ENPP1: variants seen among roughly 807,000 people sequenced by gnomAD.
ENPP1 encodes ectonucleotide pyrophosphatase/phosphodiesterase 1.
ENPP1 carries 73 observed loss-of-function variants against 122.8 expected under a neutral mutation model. That is an observed-to-expected ratio of 0.59 (90% CI 0.49 to 0.72). ENPP1 has a LOEUF of 0.72. Among genes scored for constraint, ENPP1 ranks in the 30% least tolerant of loss-of-function variants. ENPP1 has a pLI of 0.00. For missense variants in ENPP1, 978 were observed against 1,128.1 expected, an observed-to-expected ratio of 0.87 and a Z score of 1.91; for synonymous variants, 367 against 391.6, an observed-to-expected ratio of 0.94 and a Z score of 0.74.
rs909920834 is a variant in ENPP1 at position 131,893,962 on chromosome 6, T to C, written c.*3451T>C. ...TTATCTTGATTTCTTTTTTTTTTTT[T>C]TTTTTTTTTTTTTTTTTGAGATGCT... is the stretch of plus-strand genomic sequence containing the variant. On this transcript the variant is annotated 3_prime_UTR_variant, in exon 25 of 25. Transcript: ENST00000647893. 17 of 126,708 alleles carry C rather than the reference T, an allele frequency of 1.3e-4. No individual in the cohort carries two copies. Among genetic ancestry groups the C allele is most frequent in the Middle Eastern group, 7.3e-3 (2 of 274 alleles). The allele number at this position is 126,708 out of a possible 1,614,324, so 7.8% of individuals were successfully genotyped here.
chr6:131,866,351 C>T (rs191285070), intron 11 of ENPP1, among the ~76,000 whole-genome samples: 12 of 152,308 alleles, frequency 7.9e-5, no homozygotes, highest in East Asian at 3.9e-4. Flanking sequence ...TTCAGCACAG[C>T]GTTCAGACTA....
chr6:131,856,049 C>A (rs1781942064), intron 6 of ENPP1, among the ~76,000 whole-genome samples: 2 of 151,940 alleles, frequency 1.3e-5, no homozygotes, highest in Admixed American at 6.6e-5. Flanking sequence ...TTATGCTTGT[C>A]TTATGAAGTG....
chr6:131,886,717 G>A lies in ENPP1; in HGVS notation c.2600G>A (p.Ser867Asn). The A allele has an allele frequency of 6.2e-7, 1 of 1,612,674 alleles. No individual in the cohort carries two copies. ...ILPHRTDNSESCVHGKHDSSW... is the reference protein window; with the variant it reads ...ILPHRTDNSENCVHGKHDSSW... ...CCTCACAGGACTGATAACAGCGAGA[G>A]CTGTGTGGTAAGTAGCTTTTGTATA... The change falls in exon 24 of 25, where the codon AGC becomes AAC. Residue 867 changes from serine to asparagine, a missense_variant. Ser to Asn is a conservative substitution (Grantham distance 46, BLOSUM62 1). Around this residue, in one of 3 missense-constraint regions of ENPP1, gnomAD observed 644 missense variants for 781.5 expected, o/e 0.82. Transcript: ENST00000647893.
intron 22 of ENPP1, 54 bp from the exon 23 acceptor site, chr6:131,884,877 G>T: frequency 1.9e-6 from 3 of 1,594,904 alleles, no homozygotes; most frequent in South Asian, 2.2e-5. Flanking sequence ...TATTTCACAC[G>T]TCAACATGGT....
intron 10 of ENPP1, 141 bp downstream of exon 10, chr6:131,864,712 C>T (rs1239209037): frequency 8.7e-6 from 7 of 806,662 alleles, no homozygotes; most frequent in South Asian, 7.6e-5. Context: ...GATCATACCA[C>T]ATTTTGAAGA....
intron 1 of ENPP1, among the ~76,000 whole-genome samples, chr6:131,832,092 C>T (rs748964398): frequency 6.6e-6 from 1 of 151,690 alleles, no homozygotes; most frequent in Non-Finnish European, 1.5e-5. Context: ...GACCCTTTGA[C>T]GTGTGTGTGT....
At position 131,857,563 on chromosome 6, in the gene ENPP1, C is replaced by T. The variant is rs541984089; in HGVS notation, c.716-1105C>T. On this transcript the variant is annotated intron_variant, in intron 6 of 24. Coordinates refer to ENST00000647893, the MANE Select transcript of ENPP1 (RefSeq NM_006208.3). ...ACTATCGCAAGAACAAAAAACCAAACACCACATATTCTCACTCATAGGTGG... is the reference window on the plus strand; with the variant it reads ...ACTATCGCAAGAACAAAAAACCAAATACCACATATTCTCACTCATAGGTGG... Among the ~76,000 whole-genome samples, 537 of 149,862 alleles carry T rather than the reference C, an allele frequency of 3.6e-3. 2 individuals are homozygous for T. Among genetic ancestry groups the T allele is most frequent in the African/African-American group, 0.013 (512 of 39,848 alleles).
intron 1 of ENPP1, among the ~76,000 whole-genome samples, chr6:131,815,057 A>G (rs1221132668): frequency 2.0e-5 from 3 of 152,238 alleles, no homozygotes; most frequent in Admixed American, 2.0e-4. Flanking sequence ...ACACTTGGGT[A>G]TAAATTCAGG....
At chr6:131,827,617 A>G in intron 1 of ENPP1, 1 of 596,088 alleles carries the variant, frequency 1.7e-6, no homozygotes, top group South Asian at 1.8e-5. Context: ...TGAGCACAAA[A>G]TGACTTTGAC....
At chr6:131,833,848 A>G (rs74718852) in intron 1 of ENPP1, among the ~76,000 whole-genome samples, 2,312 of 152,324 alleles carry the variant, frequency 0.015, 37 homozygotes, top group South Asian at 0.034. Context: ...CCAAGAACAG[A>G]GGAGTGGATA....
At chr6:131,828,212 AGGCAT>A (rs970958028) in intron 1 of ENPP1, 8 of 566,298 alleles carry the variant, frequency 1.4e-5, no homozygotes, top group African/African-American at 1.3e-4. Flanking sequence ...GGATGTTCCA[AGGCAT>A]GGTGCAATGA....
At chr6:131,809,911 A>G (rs535555472) in intron 1 of ENPP1, among the ~76,000 whole-genome samples, 1 of 152,236 alleles carries the variant, frequency 6.6e-6, no homozygotes, top group African/African-American at 2.4e-5. Flanking sequence ...TACTCTGGGC[A>G]TTTGACATGG....
At chr6:131,842,971 A>G (rs1325685466) in intron 1 of ENPP1, among the ~76,000 whole-genome samples, 1 of 152,196 alleles carries the variant, frequency 6.6e-6, no homozygotes, top group Non-Finnish European at 1.5e-5. Context: ...AGGAAACTCC[A>G]AATATTCCAA....
chr6:131,861,362 G>A (rs1184457624), intron 8 of ENPP1, among the ~76,000 whole-genome samples: 2 of 152,148 alleles, frequency 1.3e-5, no homozygotes, highest in Non-Finnish European at 2.9e-5. Flanking sequence ...AGAGACAACT[G>A]TTAATTAGGG....
chr6:131,845,684 C>G (rs1225506607), intron 1 of ENPP1, among the ~76,000 whole-genome samples: 1 of 151,982 alleles, frequency 6.6e-6, no homozygotes, highest in Non-Finnish European at 1.5e-5. Context: ...GTCTCAAACT[C>G]CTGGCCTGAA....
intron 1 of ENPP1, among the ~76,000 whole-genome samples, chr6:131,822,222 C>T (rs1398483562): frequency 6.6e-6 from 1 of 152,122 alleles, no homozygotes; most frequent in African/African-American, 2.4e-5. Context: ...CTCTTAGAAA[C>T]TTTCAAAGAA....
chr6:131,886,103 A>G (rs2114730946), intron 23 of ENPP1, among the ~76,000 whole-genome samples: 1 of 152,372 alleles, frequency 6.6e-6, no homozygotes, highest in South Asian at 2.1e-4. Flanking sequence ...AAGAAAATCC[A>G]GTTAGAACAA....
intron 22 of ENPP1, among the ~76,000 whole-genome samples, chr6:131,884,588 A>G (rs1249796946): frequency 2.0e-5 from 3 of 152,180 alleles, no homozygotes; most frequent in Non-Finnish European, 4.4e-5. Context: ...CCTGGGAAAC[A>G]GTGAGATCTG....
intron 1 of ENPP1, among the ~76,000 whole-genome samples, chr6:131,812,622 C>T (rs79935363): frequency 0.016 from 2,479 of 152,294 alleles, 66 homozygotes; most frequent in African/African-American, 0.057. Context: ...GAGCTTTATC[C>T]TGAGCCAAGA....
Sources: gnomAD v4.1 joint callset for allele counts (sites outside exome capture counted in the v4.1 genomes callset) on GRCh38, gnomAD v4.1.1 for gene constraint, gnomAD v4.1.1 regional missense constraint, MANE v1.5 for transcripts, NCBI Gene and HGNC (gene_info 2026-07-23, HGNC 2026-07-21) for gene names.